The following DPYD variants were observed in gnomAD, a reference collection of about 807,000 sequenced individuals.
DPYD encodes the protein dihydropyrimidine dehydrogenase [NADP(+)].
A neutral mutation model predicts 116.2 loss-of-function variants in DPYD; 109 were observed. The observed-to-expected ratio is 0.94, with a 90% CI of 0.80 to 1.10. The LOEUF is 1.10. DPYD is among the 50% of genes least tolerant of loss of function. The pLI is 0.00. For missense variants in DPYD, 1,302 were observed against 1,254.5 expected (o/e 1.04, Z -0.57); for synonymous variants, 440 against 432.0 (o/e 1.02, Z -0.23).
intron 12 of DPYD, among the ~76,000 whole-genome samples, chr1:97,517,844 C>T (rs1648343408): frequency 6.6e-6 from 1 of 152,076 alleles, no homozygotes; most frequent in South Asian, 2.1e-4. Context: ...TGTGTCTGTA[C>T]TTTACAAGGT....
At chr1:97,142,941 C>A (rs1654338866) in intron 20 of DPYD, among the ~76,000 whole-genome samples, 1 of 151,762 alleles carries the variant, frequency 6.6e-6, no homozygotes, top group Admixed American at 6.6e-5. Flanking sequence ...GTATAAAATA[C>A]ATGTTCCTTA....
rs571383581 is a variant in DPYD at position 97,659,432 on chromosome 1, A to C, written c.850+19663T>G. 3.9e-3 allele frequency among the ~76,000 whole-genome samples: 591 copies of C among 152,302 alleles called. 3 individuals carry two copies. The highest frequency in any genetic ancestry group is 8.7e-3 in the South Asian group (42 of 4,832). On this transcript the variant is annotated intron_variant, in intron 8 of 22. Coordinates refer to ENST00000370192, the MANE Select transcript of DPYD (RefSeq NM_000110.4). ...TTTGTATAAGAGTGGTATCAGCTCA[A>C]CATATTCAGTGATGGATATTATTTG...
intron 8 of DPYD, among the ~76,000 whole-genome samples, chr1:97,652,097 G>A (rs973538442): frequency 6.6e-6 from 1 of 151,964 alleles, no homozygotes; most frequent in Non-Finnish European, 1.5e-5. Context: ...TGATCTTACG[G>A]ATCATGAGTC....
chr1:97,649,657 G>C lies in DPYD; in HGVS notation c.850+29438C>G, dbSNP rs7543832. ...GAAAACATAAAATCTTACTGGAACT[G>C]TGTTATTGTCAGAAGAATACCACTG... On this transcript the variant is annotated intron_variant, in intron 8 of 22. Transcript: ENST00000370192. Among the ~76,000 whole-genome samples, 361 of 152,138 alleles carry C rather than the reference G, an allele frequency of 2.4e-3. 2 individuals are homozygous for C. Among genetic ancestry groups the C allele is most frequent in the African/African-American group, 8.3e-3 (343 of 41,506 alleles).
chr1:97,595,062 C>T lies in DPYD; in HGVS notation c.955G>A (p.Ala319Thr), dbSNP rs771536388. 6.2e-7 allele frequency: 1 copy of T among 1,611,136 alleles called. No individual in the cohort carries two copies. The highest frequency in any genetic ancestry group is 8.5e-7 in the Non-Finnish European group (1 of 1,177,524). The stretch of plus-strand genomic sequence containing the variant: ...CATAAAAGACAATATGTTATACCTG[C>T]TTTACTGCCTTTGGCTACAAGTGGC... ...FLPLVAKGSK[A>T]GMCACHSPLP... The change falls in exon 9 of 23, where the codon GCA becomes ACA. Residue 319 changes from alanine to threonine, a missense_variant. By Grantham distance (58) the Ala-to-Thr change is moderately conservative. Coordinates refer to ENST00000370192, the MANE Select transcript of DPYD (RefSeq NM_000110.4).
chr1:97,741,310 C>CG (rs1377467225), intron 3 of DPYD, among the ~76,000 whole-genome samples: 5 of 152,146 alleles, frequency 3.3e-5, no homozygotes, highest in African/African-American at 1.2e-4. Context: ...TATAAACTTC[C>CG]TGCATATTAA....
At chr1:97,638,318 C>T (rs1274114031) in intron 8 of DPYD, among the ~76,000 whole-genome samples, 1 of 152,124 alleles carries the variant, frequency 6.6e-6, no homozygotes, top group Non-Finnish European at 1.5e-5. Context: ...TTTATTTCCA[C>T]AGAGAACTAT....
At chr1:97,302,926 C>T (rs776289812) in intron 18 of DPYD, among the ~76,000 whole-genome samples, 3 of 151,934 alleles carry the variant, frequency 2.0e-5, no homozygotes, top group African/African-American at 4.8e-5. Flanking sequence ...CTACTTATAT[C>T]GGAAATAATT....
chr1:97,200,057 A>G (rs1659097921), intron 19 of DPYD, among the ~76,000 whole-genome samples: 1 of 152,238 alleles, frequency 6.6e-6, no homozygotes, highest in South Asian at 2.1e-4. Flanking sequence ...GGCAGAGAAG[A>G]GTTCTACAAA....
chr1:97,880,449 A>G lies in DPYD; in HGVS notation c.150+2815T>C, dbSNP rs551703466. Among the ~76,000 whole-genome samples the G allele has an allele frequency of 1.5e-3, 223 of 151,986 alleles. 1 individual carries two copies. Among genetic ancestry groups the G allele is most frequent in the African/African-American group, 5.2e-3 (217 of 41,520 alleles). ...CAGCATGAAGAGGATAATAACAAATACGTAAGGAGCAGCATTATTCAACCA... is the reference window on the plus strand; with the variant it reads ...CAGCATGAAGAGGATAATAACAAATGCGTAAGGAGCAGCATTATTCAACCA... On this transcript the variant is annotated intron_variant, in intron 2 of 22. Coordinates refer to ENST00000370192, the MANE Select transcript of DPYD (RefSeq NM_000110.4).
At chr1:97,716,061 T>C (rs1662597205) in intron 5 of DPYD, among the ~76,000 whole-genome samples, 1 of 152,080 alleles carries the variant, frequency 6.6e-6, no homozygotes, top group South Asian at 2.1e-4. Context: ...TCAAAACTGT[T>C]TATTATCGTT....
At chr1:97,831,380 G>A (rs989713881) in intron 2 of DPYD, among the ~76,000 whole-genome samples, 3 of 152,138 alleles carry the variant, frequency 2.0e-5, no homozygotes, top group Admixed American at 6.5e-5. Context: ...AAAGACAACT[G>A]CAGGTAAAAT....
chr1:97,250,302 T>G (rs1465827127), intron 18 of DPYD, among the ~76,000 whole-genome samples: 1 of 151,900 alleles, frequency 6.6e-6, no homozygotes, highest in Non-Finnish European at 1.5e-5. Flanking sequence ...AATAAATAAA[T>G]AAAGATAAAT....
intron 1 of DPYD, among the ~76,000 whole-genome samples, chr1:97,889,023 C>T (rs899885287): frequency 2.0e-5 from 3 of 151,504 alleles, no homozygotes; most frequent in African/African-American, 2.4e-5. Flanking sequence ...CAGGCATGGT[C>T]GTGGGTGCCT....
chr1:97,880,535 T>A (rs1284190154), intron 2 of DPYD, among the ~76,000 whole-genome samples: 2 of 151,640 alleles, frequency 1.3e-5, no homozygotes, highest in African/African-American at 2.4e-5. Flanking sequence ...ACCTTACTGC[T>A]CTGAGAAATT....
intron 3 of DPYD, among the ~76,000 whole-genome samples, chr1:97,809,533 TTGAC>T (rs1419529340): frequency 2.6e-5 from 4 of 152,122 alleles, no homozygotes; most frequent in African/African-American, 7.2e-5. Flanking sequence ...TAGTTTCCGA[TTGAC>T]TGAGTGTAGA....
At chr1:97,704,897 T>C (rs1661832760) in intron 5 of DPYD, among the ~76,000 whole-genome samples, 1 of 152,016 alleles carries the variant, frequency 6.6e-6, no homozygotes. Flanking sequence ...CTGAAGTATT[T>C]AAAGATGAAT....
intron 3 of DPYD, among the ~76,000 whole-genome samples, chr1:97,775,352 G>GAAT (rs1666340001): frequency 1.3e-5 from 2 of 152,088 alleles, no homozygotes; most frequent in South Asian, 4.1e-4. Flanking sequence ...ATATGGAAGT[G>GAAT]AATAGGTGAA....
chr1:97,658,030 T>C (rs1376882976), intron 8 of DPYD, among the ~76,000 whole-genome samples: 1 of 152,186 alleles, frequency 6.6e-6, no homozygotes, highest in African/African-American at 2.4e-5. Flanking sequence ...AGGTATTCAG[T>C]TGCTTGTTTC....
Sources: allele counts gnomAD v4.1 joint callset (sites outside exome capture counted in the v4.1 genomes callset), GRCh38; gene constraint gnomAD v4.1.1; transcripts MANE v1.5; gene names NCBI Gene and HGNC (gene_info 2026-07-23, HGNC 2026-07-21).